The following MROH1 variants were observed in gnomAD, a reference collection of about 807,000 sequenced individuals.
MROH1 encodes the protein maestro heat-like repeat-containing protein family member 1.
In MROH1, 117 loss-of-function variants were observed where a neutral mutation model predicts 116.5. The ratio of observed to expected loss-of-function variants is 1.00; its 90% CI spans 0.86 to 1.17. The LOEUF (loss-of-function observed/expected upper bound fraction) is 1.17. Ranked by LOEUF, MROH1 falls within the 50% of genes most tolerant of loss-of-function variation. The probability of loss-of-function intolerance (pLI) is 0.00; values close to 1 mark genes in which losing one functional copy is unlikely to be tolerated. For missense variants in MROH1, 1,873 were observed against 1,338.5 expected (o/e 1.40, Z -6.23); for synonymous variants, 921 against 583.9 (o/e 1.58, Z -8.32).
chr8:144,258,669 G>GC, intron 35 of MROH1, 108 bp from the exon 36 acceptor site: 1 of 694,888 alleles, frequency 1.4e-6, no homozygotes, highest in Non-Finnish European at 2.6e-6. Context: ...CAGGGATAGG[G>GC]CTAGCCACCA....
chr8:144,213,978 G>A (rs1172903343), intron 12 of MROH1: 1 of 152,044 alleles, frequency 6.6e-6, no homozygotes, highest in Non-Finnish European at 1.5e-5. Context: ...ATGTCCAAAA[G>A]ATGTTCTTCT....
At chr8:144,244,403 G>T (rs1302697758) in intron 27 of MROH1, 41 bp from the exon 28 acceptor site, 28 of 728,846 alleles carry the variant, frequency 3.8e-5, no homozygotes, top group South Asian at 3.8e-4. Flanking sequence ...TGTAGGCTGC[G>T]GGGTCACTGG....
chr8:144,148,535 C>T (rs2130322333), intron 1 of MROH1: 1 of 152,702 alleles, frequency 6.5e-6, no homozygotes, highest in Middle Eastern at 3.4e-3. Context: ...CTCCGGGAAG[C>T]CAAGCATACG....
At chr8:144,225,910 GTTTTTTT>G in intron 14 of MROH1, among the ~76,000 whole-genome samples, 1 of 87,560 alleles carries the variant, frequency 1.1e-5, no homozygotes, top group African/African-American at 4.4e-5. Flanking sequence ...TTCATTTTTA[GTTTTTTT>G]TTTTTTTTTT....
intron 3 of MROH1, 134 bp from the exon 4 acceptor site, chr8:144,168,158 AAGC>A: frequency 3.9e-6 from 4 of 1,021,706 alleles, no homozygotes; most frequent in Non-Finnish European, 5.5e-6. Context: ...ACAAGAGAGA[AAGC>A]AGCTGTGCCC....
intron 4 of MROH1, among the ~76,000 whole-genome samples, chr8:144,170,158 G>A (rs925372716): frequency 1.3e-5 from 2 of 152,132 alleles, no homozygotes; most frequent in African/African-American, 2.4e-5. Flanking sequence ...TGGCTGCCTT[G>A]GGGGAGAATG....
rs1487087788 is a variant in MROH1, at chr8:144,180,806, C to G, written c.562+283C>G. 6.6e-6 allele frequency among the ~76,000 whole-genome samples: 1 copy of G among 152,092 alleles called. No homozygotes were observed. Among genetic ancestry groups the G allele is most frequent in the Non-Finnish European group, 1.5e-5 (1 of 68,000 alleles). On this transcript the variant is annotated intron_variant, in intron 7 of 43. Coordinates refer to ENST00000326134, the MANE Select transcript of MROH1 (RefSeq NM_032450.3). The surrounding 1 kb of genome is among the most constrained non-coding windows in gnomAD (Gnocchi z 7.4). Reference sequence around the variant, plus strand: ...CCTGGGGGGTAGGAAGAGACTTCCTCGAAGCCATGACTTTTTGTTTTCCTC... The same window carrying G: ...CCTGGGGGGTAGGAAGAGACTTCCTGGAAGCCATGACTTTTTGTTTTCCTC...
At chr8:144,249,135 G>A (rs1842415168) in intron 32 of MROH1, 106 bp downstream of exon 32, 2 of 687,704 alleles carry the variant, frequency 2.9e-6, no homozygotes, top group Admixed American at 2.0e-5. Context: ...AGGTGGCACT[G>A]CGGGAGAAAA....
intron 14 of MROH1, among the ~76,000 whole-genome samples, chr8:144,223,653 A>C (rs1430733804): frequency 4.6e-5 from 7 of 152,196 alleles, no homozygotes. Flanking sequence ...TTAAGAAGTT[A>C]CTGTACAAAT....
At chr8:144,216,081 A>G (rs753038711) in intron 12 of MROH1, among the ~76,000 whole-genome samples, 5 of 151,824 alleles carry the variant, frequency 3.3e-5, no homozygotes, top group African/African-American at 4.8e-5. Flanking sequence ...GCTACTTGGG[A>G]GGCAGGAGAA....
At chr8:144,212,885 C>A in intron 12 of MROH1, 1 of 653,716 alleles carries the variant, frequency 1.5e-6, no homozygotes, top group South Asian at 1.7e-5. Context: ...GCCACCGCAT[C>A]TAACCTCTTT....
chr8:144,171,307 C>T (rs1350620729), intron 4 of MROH1, among the ~76,000 whole-genome samples: 2 of 152,164 alleles, frequency 1.3e-5, no homozygotes, highest in East Asian at 3.8e-4. Context: ...GAGTGGCCTG[C>T]GTTTACCCAT....
intron 34 of MROH1, 81 bp from the exon 35 acceptor site, chr8:144,255,428 G>A (rs1308484154): frequency 2.7e-6 from 2 of 731,000 alleles, no homozygotes; most frequent in African/African-American, 1.7e-5. Context: ...AGGCGAAGGG[G>A]GATGCAGTCT....
At chr8:144,169,016 G>A (rs534737024) in intron 4 of MROH1, among the ~76,000 whole-genome samples, 46 of 152,332 alleles carry the variant, frequency 3.0e-4, no homozygotes, top group East Asian at 9.7e-4. Flanking sequence ...TCAGTGATCC[G>A]AACCCTAGGA....
intron 12 of MROH1, among the ~76,000 whole-genome samples, chr8:144,216,442 C>T (rs931906070): frequency 1.3e-5 from 2 of 152,082 alleles, no homozygotes; most frequent in Non-Finnish European, 2.9e-5. Context: ...CCACTCCATT[C>T]CATCCTGGGC....
intron 9 of MROH1, 128 bp downstream of exon 9, chr8:144,191,983 T>C: frequency 9.0e-7 from 1 of 1,113,748 alleles, no homozygotes; most frequent in Non-Finnish European, 1.3e-6. Context: ...CTGCTAAGGC[T>C]CAGTGGTGGG....
intron 14 of MROH1, among the ~76,000 whole-genome samples, chr8:144,229,177 T>C (rs376996481): frequency 6.6e-6 from 1 of 152,186 alleles, no homozygotes; most frequent in African/African-American, 2.4e-5. Context: ...GTCTTGACCC[T>C]GTCAAAGTTA....
rs1297650913 is a variant in MROH1 at position 144,243,959 on chromosome 8, C to G, written c.2555+17C>G. 3 of 779,106 alleles carry G rather than the reference C, an allele frequency of 3.9e-6. No homozygotes were observed. Among genetic ancestry groups the G allele is most frequent in the African/African-American group, 3.4e-5 (2 of 59,126 alleles). The allele number at this position is 779,106 out of a possible 1,614,324, so 48.3% of individuals were successfully genotyped here. On this transcript the variant is annotated intron_variant, in intron 26 of 43. Transcript: ENST00000326134. ...TTACTTGGTGTATCCTTTCCTGCCTCTGCACAGGCCCGTGCAGCTGCGTGT... is the reference window on the plus strand; with the variant it reads ...TTACTTGGTGTATCCTTTCCTGCCTGTGCACAGGCCCGTGCAGCTGCGTGT...
At chr8:144,186,884 G>A (rs965610593) in intron 7 of MROH1, among the ~76,000 whole-genome samples, 21 of 152,118 alleles carry the variant, frequency 1.4e-4, no homozygotes, top group Non-Finnish European at 2.6e-4. Flanking sequence ...CCTGAGCTCA[G>A]GAGTTTGAGA....
Sources: allele counts gnomAD v4.1 joint callset (sites outside exome capture counted in the v4.1 genomes callset), GRCh38; gene constraint gnomAD v4.1.1; non-coding constraint Gnocchi (gnomAD v3.1); transcripts MANE v1.5; gene names NCBI Gene and HGNC (gene_info 2026-07-23, HGNC 2026-07-21).